Variants in SGCZ observed in about 807,000 individuals in gnomAD.
SGCZ encodes zeta-sarcoglycan.
A neutral mutation model predicts 41.3 loss-of-function variants in SGCZ; 40 were observed. The ratio of observed to expected loss-of-function variants is 0.97; its 90% CI spans 0.75 to 1.26. The LOEUF (loss-of-function observed/expected upper bound fraction) is 1.26, where lower values mean the gene tolerates loss of function less well. SGCZ is among the 50% of genes most tolerant of loss of function. SGCZ has a pLI of 0.00. For missense variants in SGCZ, 552 were observed against 369.8 expected (o/e 1.49, Z -4.04); for synonymous variants, 206 against 137.5 (o/e 1.50, Z -3.49).
chr8:14,988,981 G>A (rs1801919609), intron 1 of SGCZ, among the ~76,000 whole-genome samples: 1 of 152,080 alleles, frequency 6.6e-6, no homozygotes, highest in Non-Finnish European at 1.5e-5. Context: ...AAACAATTTT[G>A]TATTTAATAG....
chr8:14,575,079 G>C (rs1024541269), intron 1 of SGCZ, among the ~76,000 whole-genome samples: 1 of 152,114 alleles, frequency 6.6e-6, no homozygotes, highest in Non-Finnish European at 1.5e-5. Flanking sequence ...TTCTAACTTT[G>C]AATTAGAGCA....
intron 1 of SGCZ, among the ~76,000 whole-genome samples, chr8:14,814,755 A>C (rs903811471): frequency 6.6e-6 from 1 of 152,120 alleles, no homozygotes; most frequent in African/African-American, 2.4e-5. Flanking sequence ...TCCTTGCAGA[A>C]ATCGGTTAAG....
chr8:14,113,585 A>G (rs760084756), intron 5 of SGCZ, among the ~76,000 whole-genome samples: 1 of 152,062 alleles, frequency 6.6e-6, no homozygotes, highest in Non-Finnish European at 1.5e-5. Context: ...TGGTAAAACC[A>G]TATTCCACAC....
chr8:14,393,099 T>TA (rs555104600), intron 2 of SGCZ, among the ~76,000 whole-genome samples: 7 of 152,180 alleles, frequency 4.6e-5, no homozygotes, highest in Non-Finnish European at 8.8e-5. Context: ...AATTATCCTT[T>TA]AAAAAATATA....
At chr8:14,225,411 G>A (rs746466322) in intron 4 of SGCZ, among the ~76,000 whole-genome samples, 11 of 152,032 alleles carry the variant, frequency 7.2e-5, no homozygotes, top group Non-Finnish European at 1.5e-4. Flanking sequence ...ATACACTTAG[G>A]TACCACTATC....
At chr8:15,053,072 C>G (rs368441141) in intron 1 of SGCZ, among the ~76,000 whole-genome samples, 1 of 152,124 alleles carries the variant, frequency 6.6e-6, no homozygotes. Context: ...CTAACCCAAG[C>G]TCAGTAACTG....
chr8:14,840,623 T>C (rs1439178603), intron 1 of SGCZ, among the ~76,000 whole-genome samples: 1 of 152,104 alleles, frequency 6.6e-6, no homozygotes, highest in African/African-American at 2.4e-5. Context: ...AAAATGAGTT[T>C]CTCTTGCACT....
chr8:14,243,729 A>G lies in SGCZ; in HGVS notation c.337-6050T>C, dbSNP rs561445396. ...TATCCATGTCTCTTTATCAGGAAAA[A>G]GTATAGACATTTTTCCAGTCCAAGT... On this transcript the variant is annotated intron_variant, in intron 3 of 7. Coordinates refer to ENST00000382080, the MANE Select transcript of SGCZ (RefSeq NM_139167.4). 3.3e-5 allele frequency among the ~76,000 whole-genome samples: 5 copies of G among 152,244 alleles called. No homozygotes were observed. In the South Asian group the frequency reaches 1.0e-3, roughly 32 times the overall value.
intron 4 of SGCZ, among the ~76,000 whole-genome samples, chr8:14,213,595 A>C (rs973261419): frequency 3.3e-5 from 5 of 152,104 alleles, no homozygotes; most frequent in Admixed American, 3.3e-4. Context: ...GCACGCTTTA[A>C]ATTTCATAAA....
At chr8:15,173,730 C>G (rs939600185) in intron 1 of SGCZ, among the ~76,000 whole-genome samples, 2 of 152,238 alleles carry the variant, frequency 1.3e-5, no homozygotes, top group African/African-American at 4.8e-5. Context: ...GGCATTTTCT[C>G]AGACTCAAGT....
At chr8:14,986,240 A>G (rs1245413079) in intron 1 of SGCZ, among the ~76,000 whole-genome samples, 1 of 152,166 alleles carries the variant, frequency 6.6e-6, no homozygotes, top group Non-Finnish European at 1.5e-5. Context: ...CATGTACAGA[A>G]CATTCTTAAG....
intron 1 of SGCZ, among the ~76,000 whole-genome samples, chr8:14,629,282 T>C (rs1465873608): frequency 6.6e-6 from 1 of 152,098 alleles, no homozygotes; most frequent in East Asian, 1.9e-4. Context: ...ATCACTTAGC[T>C]TAATGCCCAC....
intron 1 of SGCZ, among the ~76,000 whole-genome samples, chr8:14,984,562 T>C (rs1010588572): frequency 2.5e-4 from 38 of 152,170 alleles, no homozygotes; most frequent in Non-Finnish European, 5.1e-4. Flanking sequence ...GTCTGGATTT[T>C]GTTGCTGCAA....
chr8:14,357,586 C>T (rs1803343019), intron 2 of SGCZ, among the ~76,000 whole-genome samples: 1 of 152,116 alleles, frequency 6.6e-6, no homozygotes, highest in African/African-American at 2.4e-5. Context: ...GACTCGCTAC[C>T]TCCACGTAAT....
rs530118287 is a variant in SGCZ at position 14,799,039 on chromosome 8, C to CA, written c.40-244114dup. Among the ~76,000 whole-genome samples, 11 of 151,664 alleles carry CA rather than the reference C, an allele frequency of 7.3e-5. No homozygotes were observed. In the South Asian group the frequency reaches 2.3e-3, roughly 32 times the overall value. On this transcript the variant is annotated intron_variant, in intron 1 of 7. Transcript: ENST00000382080. ...AAGTATTACTCCATTTTCTTGATCT[C>CA]AAAAATAGCATTATACAAATTAAAA...
intron 1 of SGCZ, among the ~76,000 whole-genome samples, chr8:14,765,186 G>A (rs1800001857): frequency 2.6e-5 from 4 of 152,010 alleles, no homozygotes; most frequent in Admixed American, 1.3e-4. Context: ...TTAAAGACCT[G>A]GACTTGATTC....
At chr8:14,262,985 T>C (rs1799727098) in intron 3 of SGCZ, among the ~76,000 whole-genome samples, 1 of 152,226 alleles carries the variant, frequency 6.6e-6, no homozygotes. Flanking sequence ...CCTGCATTTG[T>C]ATTTTGTACA....
intron 1 of SGCZ, among the ~76,000 whole-genome samples, chr8:15,226,954 A>G (rs997146720): frequency 6.6e-6 from 1 of 152,218 alleles, no homozygotes; most frequent in Non-Finnish European, 1.5e-5. Flanking sequence ...ATGGTGAAAT[A>G]CTAAACAAGA....
At chr8:14,511,441 G>A (rs183355789) in intron 2 of SGCZ, among the ~76,000 whole-genome samples, 16 of 152,024 alleles carry the variant, frequency 1.1e-4, no homozygotes, top group African/African-American at 3.9e-4. Context: ...AAAACTGAGA[G>A]TAATTTTTAA....
Sources: allele counts gnomAD v4.1 joint callset (sites outside exome capture counted in the v4.1 genomes callset), GRCh38; gene constraint gnomAD v4.1.1; transcripts MANE v1.5; gene names NCBI Gene and HGNC (gene_info 2026-07-23, HGNC 2026-07-21).